The following SLC6A18 variants were observed in gnomAD, a reference collection of about 807,000 sequenced individuals.
SLC6A18 encodes inactive sodium-dependent neutral amino acid transporter B(0)AT3.
A neutral mutation model predicts 62.9 loss-of-function variants in SLC6A18; 58 were observed. That is an observed-to-expected ratio of 0.92 (90% CI 0.75 to 1.15). SLC6A18 has a LOEUF of 1.15. Among genes scored for constraint, SLC6A18 ranks in the 50% most tolerant of loss-of-function variants. SLC6A18 has a pLI of 0.00. For missense variants in SLC6A18, 793 were observed against 836.6 expected (o/e 0.95, Z 0.64); for synonymous variants, 382 against 365.8 (o/e 1.04, Z -0.51).
Position 1,242,812 on chromosome 5 carries a change from G to A in SLC6A18, c.1080G>A (p.Arg360=). The A allele has an allele frequency of 6.2e-7, 1 of 1,613,762 alleles. No homozygotes were observed. Among genetic ancestry groups the A allele is most frequent in the Non-Finnish European group, 8.5e-7 (1 of 1,179,774 alleles). The change falls in exon 8 of 12, where the codon AGG becomes AGA. Residue 360 remains arginine (R), a synonymous_variant. Transcript: ENST00000324642. ...ACCTGAACGCCACCTGGCCCAAGAG[G>A]GTGGCCCAGCTCCCCCTGAAGGCCT... ...LMHLNATWPK[R]VAQLPLKACL...
At chr5:1,234,962 T>C (rs921794588) in intron 3 of SLC6A18, among the ~76,000 whole-genome samples, 2 of 152,242 alleles carry the variant, frequency 1.3e-5, no homozygotes, top group Non-Finnish European at 2.9e-5. Flanking sequence ...CTGAGAGATG[T>C]CACGGGAGCC....
intron 7 of SLC6A18, 47 bp downstream of exon 7, chr5:1,240,706 C>T (rs746699397): frequency 6.2e-7 from 1 of 1,606,440 alleles, no homozygotes; most frequent in Non-Finnish European, 8.5e-7. Flanking sequence ...AGCCGCCAGA[C>T]AGGTGCCTGC....
At chr5:1,233,558 A>G (rs1383709611) in intron 3 of SLC6A18, among the ~76,000 whole-genome samples, 1 of 151,350 alleles carries the variant, frequency 6.6e-6, no homozygotes, top group Non-Finnish European at 1.5e-5. Context: ...GAGATCCTCG[A>G]GACATGAATG....
rs373417129 is a variant in SLC6A18 at position 1,239,572 on chromosome 5, C to A, written c.845+10C>A. The stretch of plus-strand genomic sequence containing the variant: ...GTTACAACTCGCCCAGGTAGGCAGT[C>A]GGGCTCAGCTGTCCAGCCAGGGAAG... On this transcript the variant is annotated intron_variant, in intron 6 of 11. Transcript: ENST00000324642. 2 of 1,603,918 alleles carry A rather than the reference C, an allele frequency of 1.2e-6. No individual in the cohort carries two copies. The highest frequency in any genetic ancestry group is 1.7e-6 in the Non-Finnish European group (2 of 1,170,948).
chr5:1,227,019 G>T (rs1472684446), intron 1 of SLC6A18, among the ~76,000 whole-genome samples: 2 of 127,400 alleles, frequency 1.6e-5, no homozygotes, highest in African/African-American at 2.9e-5. Flanking sequence ...GCCCGCCGAC[G>T]CGCCCAACGC....
At position 1,233,403 on chromosome 5, in the gene SLC6A18, G is replaced by A. The variant is rs755177497; in HGVS notation, c.439+515G>A. Among the ~76,000 whole-genome samples, 11 of 152,108 alleles carry A rather than the reference G, an allele frequency of 7.2e-5. No homozygotes were observed. The South Asian group carries it at 1.0e-3, about 14-fold the overall frequency. On this transcript the variant is annotated intron_variant, in intron 3 of 11. Coordinates refer to ENST00000324642, the MANE Select transcript of SLC6A18 (RefSeq NM_182632.3). ...TGAGACAGAAGAATTGCTTGAACCC[G>A]GGAAGTGGAGGTTGCAGATAGCCGA... is the stretch of plus-strand genomic sequence containing the variant.
intron 7 of SLC6A18, 132 bp downstream of exon 7, chr5:1,240,791 G>T (rs1747036377): frequency 3.1e-6 from 4 of 1,298,410 alleles, no homozygotes; most frequent in Admixed American, 2.4e-5. Context: ...GGAGTGAATG[G>T]TGTCCCCAGA....
intron 10 of SLC6A18, 85 bp from the exon 11 acceptor site, chr5:1,244,523 G>T: frequency 6.5e-7 from 1 of 1,547,786 alleles, no homozygotes; most frequent in Non-Finnish European, 8.7e-7. Context: ...GTGCAGGTTG[G>T]ACCCCAGTTA....
rs1473676147 is a variant in SLC6A18, at chr5:1,244,340, T to C, written c.1463T>C (p.Val488Ala). The change falls in exon 10 of 12, where the codon GTT becomes GCT. Residue 488 changes from valine (V) to alanine (A), a missense_variant. By Grantham distance (64) the Val-to-Ala change is moderately conservative. Coordinates refer to ENST00000324642, the MANE Select transcript of SLC6A18 (RefSeq NM_182632.3). ...CTGCTCATGTTGGCCTTTCTCGAGG[T>C]TGTGGGTGTCGTTTATGTTTATGGA... Reference protein sequence around the residue: ...PNLLMLAFLEVVGVVYVYGMK... With the variant: ...PNLLMLAFLEAVGVVYVYGMK... 5 of 1,613,812 alleles carry C rather than the reference T, an allele frequency of 3.1e-6. No individual in the cohort carries two copies. The East Asian group carries it at 6.7e-5, about 22-fold the overall frequency.
At chr5:1,238,103 C>A in intron 5 of SLC6A18, 43 bp downstream of exon 5, 1 of 1,461,402 alleles carries the variant, frequency 6.8e-7, no homozygotes, top group Non-Finnish European at 9.6e-7. Flanking sequence ...CCAGCACACA[C>A]ATTTCAGGGC....
chr5:1,239,322 G>C (rs1391285309), intron 5 of SLC6A18, 128 bp from the exon 6 acceptor site: 1 of 671,940 alleles, frequency 1.5e-6, no homozygotes, highest in East Asian at 2.6e-5. Flanking sequence ...CCTGTTCCTG[G>C]TGTCTGTACA....
At chr5:1,238,333 TGAGCCTG>T (rs1746948826) in intron 5 of SLC6A18, among the ~76,000 whole-genome samples, 3 of 117,032 alleles carry the variant, frequency 2.6e-5, no homozygotes, top group Non-Finnish European at 5.8e-5. Flanking sequence ...AGGTTTGGAG[TGAGCCTG>T]GGGCCTCAGG....
intron 1 of SLC6A18, among the ~76,000 whole-genome samples, chr5:1,229,784 T>G (rs1382224752): frequency 1.9e-3 from 216 of 115,364 alleles, no homozygotes; most frequent in Middle Eastern, 6.3e-3. Context: ...AGGCTGGGGG[T>G]GGGGGGAAGT....
chr5:1,234,717 G>A (rs1026384400), intron 3 of SLC6A18, among the ~76,000 whole-genome samples: 5 of 152,212 alleles, frequency 3.3e-5, no homozygotes, highest in South Asian at 4.1e-4. Context: ...TCAGCCAAGC[G>A]TGGGGCAGGC....
At chr5:1,239,875 C>T (rs978111452) in intron 6 of SLC6A18, among the ~76,000 whole-genome samples, 18 of 152,372 alleles carry the variant, frequency 1.2e-4, no homozygotes, top group African/African-American at 4.3e-4. Context: ...TTGGTGCCGA[C>T]ATGAGCAGGT....
At chr5:1,227,142 G>T (rs897303781) in intron 1 of SLC6A18, among the ~76,000 whole-genome samples, 6 of 145,472 alleles carry the variant, frequency 4.1e-5, no homozygotes, top group Admixed American at 2.7e-4. Context: ...TGCCTTGCCC[G>T]CCGATGACTT....
Position 1,243,614 on chromosome 5 carries a change from G to A in SLC6A18, c.1191G>A (p.Pro397=), listed in dbSNP as rs778524616. Residue 397 remains proline, a synonymous_variant, in exon 9 of 12, where the codon CCG becomes CCA. Coordinates refer to ENST00000324642, the MANE Select transcript of SLC6A18 (RefSeq NM_182632.3). The surrounding 1 kb of genome is among the most constrained non-coding windows in gnomAD (Gnocchi z 6.5). ...TCACGGAGACCGACCTCCACATGCC[G>A]GGGGCTCCTGTGTGGGCCATGCTCT... is the stretch of plus-strand genomic sequence containing the variant. ...VVFTETDLHM[P]GAPVWAMLFF... is the part of the protein sequence containing the mutation. The A allele has an allele frequency of 1.4e-5, 23 of 1,613,904 alleles. No homozygotes were observed. The highest frequency in any genetic ancestry group is 1.6e-4 in the Middle Eastern group (1 of 6,062).
chr5:1,232,994 G>T lies in SLC6A18; in HGVS notation c.439+106G>T, dbSNP rs547444983. On this transcript the variant is annotated intron_variant, in intron 3 of 11. Coordinates refer to ENST00000324642, the MANE Select transcript of SLC6A18 (RefSeq NM_182632.3). ...GCTGCGGGTGGCGGATGCTCACCGC[G>T]GGGGGAGGGCCGGGGAACCGGTTGC... The T allele has an allele frequency of 8.9e-6, 13 of 1,461,440 alleles. No individual in the cohort carries two copies. In the Admixed American group the frequency reaches 1.1e-4, roughly 12 times the overall value. 90.5% of individuals were successfully genotyped at this position (1,461,440 alleles called of 1,614,324 possible). A position where few individuals can be genotyped will look rare whatever the true frequency, so the allele number is the denominator to read the frequency against.
chr5:1,231,516 G>T (rs1746730295), intron 1 of SLC6A18, among the ~76,000 whole-genome samples: 1 of 152,136 alleles, frequency 6.6e-6, no homozygotes, highest in Admixed American at 6.5e-5. Flanking sequence ...GCCGCCCCGG[G>T]TTCCTCGTGG....
Sources: allele counts gnomAD v4.1 joint callset (sites outside exome capture counted in the v4.1 genomes callset), GRCh38; gene constraint gnomAD v4.1.1; non-coding constraint Gnocchi (gnomAD v3.1); transcripts MANE v1.5; gene names NCBI Gene and HGNC (gene_info 2026-07-23, HGNC 2026-07-21).